The following VEPH1 variants were observed in gnomAD, a reference collection of about 807,000 sequenced individuals.
VEPH1 encodes the protein ventricular zone expressed PH domain containing 1, also known as ventricular zone-expressed PH domain-containing protein homolog 1.
Under a neutral mutation model 85.2 loss-of-function variants are expected in VEPH1, and 80 were observed. That is an observed-to-expected ratio of 0.94 (90% confidence interval 0.78 to 1.13). VEPH1 has a LOEUF of 1.13. Among genes scored for constraint, VEPH1 ranks in the 50% most tolerant of loss-of-function variants. VEPH1 has a pLI of 0.00. For synonymous variants in VEPH1, 297 were observed against 348.0 expected (o/e 0.85, Z 1.63); for missense variants, 955 against 980.5 (o/e 0.97, Z 0.35).
At chr3:157,377,058 A>G (rs546513866) in intron 7 of VEPH1, among the ~76,000 whole-genome samples, 1 of 152,326 alleles carries the variant, frequency 6.6e-6, no homozygotes, top group South Asian at 2.1e-4. Context: ...AGCCTTAGCA[A>G]CCATTCCAGA....
intron 6 of VEPH1, among the ~76,000 whole-genome samples, chr3:157,395,897 T>C (rs1257344238): frequency 6.6e-6 from 1 of 152,126 alleles, no homozygotes; most frequent in Non-Finnish European, 1.5e-5. Context: ...CCAGTGTTTG[T>C]TGTTTCCTTC....
intron 12 of VEPH1, among the ~76,000 whole-genome samples, chr3:157,266,336 A>G (rs1358017480): frequency 1.3e-5 from 2 of 151,856 alleles, no homozygotes; most frequent in East Asian, 3.9e-4. Flanking sequence ...ATCTTCACCT[A>G]GTCAACAACT....
intron 2 of VEPH1, among the ~76,000 whole-genome samples, chr3:157,473,363 T>A (rs1310796686): frequency 1.3e-5 from 2 of 152,128 alleles, no homozygotes; most frequent in African/African-American, 4.8e-5. Flanking sequence ...TGAGCCACCA[T>A]GTCGTGCTTT....
chr3:157,476,664 G>A (rs1457556494), intron 2 of VEPH1, among the ~76,000 whole-genome samples: 1 of 152,138 alleles, frequency 6.6e-6, no homozygotes, highest in African/African-American at 2.4e-5. Context: ...CCACTGCATG[G>A]TACTGTATTC....
At chr3:157,374,061 G>C (rs1727810513) in intron 7 of VEPH1, among the ~76,000 whole-genome samples, 1 of 152,158 alleles carries the variant, frequency 6.6e-6, no homozygotes, top group Non-Finnish European at 1.5e-5. Context: ...TGCGTTAAGG[G>C]AGGACAACTG....
intron 9 of VEPH1, among the ~76,000 whole-genome samples, chr3:157,326,172 G>A (rs916886009): frequency 4.9e-4 from 75 of 152,100 alleles, no homozygotes; most frequent in African/African-American, 1.7e-3. Context: ...TGATTTTTGA[G>A]CACTACTTTT....
intron 2 of VEPH1, among the ~76,000 whole-genome samples, chr3:157,482,739 T>C (rs1738235699): frequency 6.6e-6 from 1 of 152,100 alleles, no homozygotes; most frequent in East Asian, 1.9e-4. Context: ...GGTATTTTAG[T>C]TTTTTGCAGC....
At position 157,317,108 on chromosome 3, in the gene VEPH1, C is replaced by G; in HGVS notation, c.1829G>C (p.Ser610Thr). The change falls in exon 10 of 14, where the codon AGC becomes ACC. Residue 610 changes from serine to threonine, a missense_variant. Coordinates refer to ENST00000362010, the MANE Select transcript of VEPH1 (RefSeq NM_001167912.2). ...CTGGATCCATGGCTGAGGTTCTTGG[C>G]TGATGAGAATAAAACTGGACTTACT... ...LYSKSSFILI[S>T]QEPQPWIQIM... The G allele has an allele frequency of 6.2e-7, 1 of 1,613,502 alleles. No individual in the cohort carries two copies. Among genetic ancestry groups the G allele is most frequent in the Non-Finnish European group, 8.5e-7 (1 of 1,179,700 alleles).
At chr3:157,467,042 A>G (rs891868187) in intron 3 of VEPH1, among the ~76,000 whole-genome samples, 1 of 152,156 alleles carries the variant, frequency 6.6e-6, no homozygotes, top group Non-Finnish European at 1.5e-5. Context: ...AAAAGAGGAA[A>G]AGGAATGGTC....
intron 9 of VEPH1, among the ~76,000 whole-genome samples, chr3:157,328,291 T>G (rs1215485777): frequency 6.6e-6 from 1 of 152,136 alleles, no homozygotes; most frequent in African/African-American, 2.4e-5. Flanking sequence ...TAATGTTCAT[T>G]ATCATGATCA....
intron 4 of VEPH1, among the ~76,000 whole-genome samples, chr3:157,445,973 T>G (rs1734519940): frequency 6.6e-6 from 1 of 152,182 alleles, no homozygotes; most frequent in African/African-American, 2.4e-5. Flanking sequence ...ATATAGGTGT[T>G]AGCAAAAGGA....
At chr3:157,314,145 A>C (rs1474738987) in intron 10 of VEPH1, among the ~76,000 whole-genome samples, 2 of 151,870 alleles carry the variant, frequency 1.3e-5, no homozygotes, top group Non-Finnish European at 2.9e-5. Context: ...ATCCTGGCTA[A>C]CATAGTGAAA....
chr3:157,339,202 G>T (rs1325851359), intron 9 of VEPH1, among the ~76,000 whole-genome samples: 1 of 152,192 alleles, frequency 6.6e-6, no homozygotes, highest in African/African-American at 2.4e-5. Context: ...TCAAATTCAG[G>T]CTCCAAGGGC....
intron 4 of VEPH1, among the ~76,000 whole-genome samples, chr3:157,454,145 T>A (rs896556091): frequency 3.9e-5 from 6 of 152,188 alleles, no homozygotes; most frequent in Non-Finnish European, 8.8e-5. Context: ...TGTTTTAAAT[T>A]CCTATAAAAT....
chr3:157,266,382 T>G (rs184370240), intron 12 of VEPH1, among the ~76,000 whole-genome samples: 4 of 152,216 alleles, frequency 2.6e-5, no homozygotes, highest in Admixed American at 2.6e-4. Flanking sequence ...GTTGCTTCCT[T>G]TGGAAAGCCC....
intron 9 of VEPH1, among the ~76,000 whole-genome samples, chr3:157,321,330 C>G (rs116220607): frequency 8.5e-5 from 13 of 152,236 alleles, no homozygotes; most frequent in Non-Finnish European, 1.8e-4. Context: ...AACTGCCAGA[C>G]TATAAGTATT....
chr3:157,499,587 C>G (rs907401502), intron 1 of VEPH1: 3 of 152,092 alleles, frequency 2.0e-5, no homozygotes, highest in African/African-American at 7.2e-5. Context: ...ACCGGCAGCC[C>G]CAGAGACCGG....
intron 4 of VEPH1, among the ~76,000 whole-genome samples, chr3:157,439,949 A>G (rs1733990500): frequency 6.6e-6 from 1 of 152,042 alleles, no homozygotes; most frequent in African/African-American, 2.4e-5. Flanking sequence ...ACGGGGTTTC[A>G]CCGTGTTAGC....
intron 9 of VEPH1, among the ~76,000 whole-genome samples, chr3:157,344,932 TC>T (rs199724554): frequency 0.24 from 36,410 of 152,060 alleles, 4,860 homozygotes; most frequent in South Asian, 0.33. Flanking sequence ...GGGAAAGGAT[TC>T]CCCTATTTAA....
Sources: gnomAD v4.1 joint callset for allele counts (sites outside exome capture counted in the v4.1 genomes callset) on GRCh38, gnomAD v4.1.1 for gene constraint, MANE v1.5 for transcripts, NCBI Gene and HGNC (gene_info 2026-07-23, HGNC 2026-07-21) for gene names.